ABCA4: variants seen among roughly 807,000 people sequenced by gnomAD.
ABCA4 encodes the protein retinal-specific phospholipid-transporting ATPase ABCA4.
ABCA4 carries 196 observed loss-of-function variants against 263.7 expected under a neutral mutation model. The ratio of observed to expected loss-of-function variants is 0.74; its 90% CI spans 0.66 to 0.84. The LOEUF is 0.84. ABCA4 is among the 40% of genes least tolerant of loss of function. ABCA4 has a pLI of 0.00. For missense variants in ABCA4, 2,792 were observed against 2,855.1 expected, an observed-to-expected ratio of 0.98 and a Z score of 0.50; for synonymous variants, 1,133 against 1,094.2, an observed-to-expected ratio of 1.04 and a Z score of -0.70.
chr1:94,074,449 A>G (rs778155766), intron 11 of ABCA4, among the ~76,000 whole-genome samples: 1 of 152,254 alleles, frequency 6.6e-6, no homozygotes, highest in Non-Finnish European at 1.5e-5. Context: ...GGACATACGC[A>G]TGGGCAAAGA....
At chr1:94,011,843 C>T (rs1372947421) in intron 38 of ABCA4, among the ~76,000 whole-genome samples, 1 of 152,236 alleles carries the variant, frequency 6.6e-6, no homozygotes, top group African/African-American at 2.4e-5. Flanking sequence ...CTCCTGCTGT[C>T]CACTTAGGGA....
At chr1:94,045,723 T>C (rs1189450092) in intron 19 of ABCA4, 1 of 456,066 alleles carries the variant, frequency 2.2e-6, no homozygotes, top group Non-Finnish European at 4.4e-6. Context: ...CAGAACCAAT[T>C]AGAATGGCAC....
chr1:94,028,588 C>T (rs902361178), intron 30 of ABCA4, among the ~76,000 whole-genome samples: 1 of 152,064 alleles, frequency 6.6e-6, no homozygotes, highest in Non-Finnish European at 1.5e-5. Flanking sequence ...ACCTAAGTGG[C>T]GAATAATGGG....
At chr1:94,037,721 T>C (rs1464120630) in intron 24 of ABCA4, among the ~76,000 whole-genome samples, 2 of 152,220 alleles carry the variant, frequency 1.3e-5, no homozygotes, top group Non-Finnish European at 2.9e-5. Context: ...TTTCCTCATC[T>C]GTGAAAAGGG....
At chr1:94,100,188 A>G (rs1452632946) in intron 5 of ABCA4, among the ~76,000 whole-genome samples, 1 of 152,172 alleles carries the variant, frequency 6.6e-6, no homozygotes, top group African/African-American at 2.4e-5. Context: ...ACAGCTGACC[A>G]TGAGTCGGTG....
intron 6 of ABCA4, among the ~76,000 whole-genome samples, chr1:94,098,259 G>GT (rs1348018488): frequency 1.2e-4 from 18 of 152,140 alleles, no homozygotes; most frequent in Non-Finnish European, 2.5e-4. Flanking sequence ...TTTCTCTGTC[G>GT]TTTTTTCTCT....
chr1:94,074,310 A>G (rs1413227415), intron 11 of ABCA4, among the ~76,000 whole-genome samples: 1 of 152,224 alleles, frequency 6.6e-6, no homozygotes, highest in Admixed American at 6.5e-5. Context: ...CTGGCTAGCC[A>G]TATGTAGAAA....
chr1:94,007,592 C>G, intron 43 of ABCA4, 42 bp downstream of exon 43: 1 of 1,530,362 alleles, frequency 6.5e-7, no homozygotes, highest in African/African-American at 1.4e-5. Flanking sequence ...TCTCACAGGA[C>G]CTGTGAGAGA....
Position 94,079,361 on chromosome 1 carries a change from G to A in ABCA4, c.1200C>T (p.Tyr400=). The A allele has an allele frequency of 6.2e-7, 1 of 1,614,180 alleles. No homozygotes were observed. The highest frequency in any genetic ancestry group is 8.5e-7 in the Non-Finnish European group (1 of 1,180,036). ...TTCGTGCTGCAGGTGAATCAGGAGT[G>A]TACAGGATTTTTCCCATCAGCAAAG... is the stretch of plus-strand genomic sequence containing the variant. ...AKPLLMGKIL[Y]TPDSPAARRI... is the part of the protein sequence containing the mutation. The change falls in exon 9 of 50, where the codon TAC becomes TAT. Residue 400 remains tyrosine, a synonymous_variant. Coordinates refer to ENST00000370225, the MANE Select transcript of ABCA4 (RefSeq NM_000350.3).
At position 94,000,946 on chromosome 1, in the gene ABCA4, G is replaced by A. The variant is rs2100993786; in HGVS notation, c.6387-18C>T. The A allele has an allele frequency of 6.2e-7, 1 of 1,614,186 alleles. No homozygotes were observed. Among genetic ancestry groups the A allele is most frequent in the Non-Finnish European group, 8.5e-7 (1 of 1,180,018 alleles). ...CTTCCATGCTGTGGGGCAGGAGAGA[G>A]GAGGTGAGCAGGAGAGGATTCCCAC... On this transcript the variant is annotated intron_variant, in intron 46 of 49. Transcript: ENST00000370225.
chr1:94,018,271 AAAAAGT>A (rs1190304021), intron 36 of ABCA4, among the ~76,000 whole-genome samples: 2 of 152,370 alleles, frequency 1.3e-5, no homozygotes, highest in East Asian at 3.9e-4. Context: ...TATCTTTTAA[AAAAAGT>A]AAAATTAAAA....
At chr1:94,007,557 G>T (rs1211476882) in intron 43 of ABCA4, 77 bp downstream of exon 43, 1 of 1,316,010 alleles carries the variant, frequency 7.6e-7, no homozygotes, top group Non-Finnish European at 1.1e-6. Context: ...CTACTATAGG[G>T]TCTGATGATC....
intron 38 of ABCA4, among the ~76,000 whole-genome samples, chr1:94,011,629 C>T (rs572609485): frequency 5.3e-5 from 8 of 152,340 alleles, no homozygotes; most frequent in Admixed American, 2.6e-4. Flanking sequence ...AATTAAATGA[C>T]CAATCAAGGA....
chr1:94,098,203 G>A (rs1038671610), intron 6 of ABCA4, among the ~76,000 whole-genome samples: 16 of 152,272 alleles, frequency 1.1e-4, no homozygotes, highest in African/African-American at 3.4e-4. Flanking sequence ...CTAGAACAAA[G>A]GGTTGAGCTA....
intron 6 of ABCA4, among the ~76,000 whole-genome samples, chr1:94,093,778 T>G (rs895425378): frequency 2.0e-5 from 3 of 152,250 alleles, no homozygotes; most frequent in Non-Finnish European, 4.4e-5. Flanking sequence ...GCCTCTCTTC[T>G]ATTTCATTTT....
rs749605584 is a variant in ABCA4, at chr1:94,031,876, G to C, written c.4030C>G (p.Leu1344Val). 7.4e-6 allele frequency: 12 copies of C among 1,614,080 alleles called. No individual in the cohort carries two copies. In the East Asian group the frequency reaches 2.7e-4, roughly 36 times the overall value. The change falls in exon 27 of 50, where the codon CTC becomes GTC. Residue 1344 changes from leucine to valine, a missense_variant. Leu to Val is a conservative substitution (Grantham distance 32, BLOSUM62 1). Coordinates refer to ENST00000370225, the MANE Select transcript of ABCA4 (RefSeq NM_000350.3). ...AGGACCAGCTGTGTCCCCGTGTTGA[G>C]CTGCGGGCCTGGGCACTCTGGCTCT... is the stretch of plus-strand genomic sequence containing the variant. ...PPEPECPGPQ[L>V]NTGTQLVLQH...
intron 11 of ABCA4, among the ~76,000 whole-genome samples, chr1:94,076,696 A>G (rs529948510): frequency 6.6e-6 from 1 of 152,268 alleles, no homozygotes; most frequent in South Asian, 2.1e-4. Flanking sequence ...GTGAGAGAGC[A>G]ACGTAAGCAG....
rs1297857869 is a variant in ABCA4, at chr1:94,011,330, A to G, written c.5516T>C (p.Phe1839Ser). Reference protein sequence around the residue: ...LRKLLIVFPHFCLGRGLIDLA... With the variant: ...LRKLLIVFPHSCLGRGLIDLA... ...GTCAATGAGGCCCCGGCCCAGGCAGAAGTGGGGGAAGACAATGAGCAGCTT... is the reference window on the plus strand; with the variant it reads ...GTCAATGAGGCCCCGGCCCAGGCAGGAGTGGGGGAAGACAATGAGCAGCTT... The change falls in exon 39 of 50, where the codon TTC becomes TCC. Residue 1839 changes from phenylalanine to serine, a missense_variant. Coordinates refer to ENST00000370225, the MANE Select transcript of ABCA4 (RefSeq NM_000350.3). 1.2e-6 allele frequency: 2 copies of G among 1,614,096 alleles called. No individual in the cohort carries two copies. The highest frequency in any genetic ancestry group is 1.7e-6 in the Non-Finnish European group (2 of 1,180,022).
intron 11 of ABCA4, among the ~76,000 whole-genome samples, chr1:94,066,556 G>C (rs996920040): frequency 3.9e-5 from 6 of 152,242 alleles, no homozygotes; most frequent in Non-Finnish European, 8.8e-5. Flanking sequence ...GGGGCATTTG[G>C]ACAGAGCCCT....
Sources: gnomAD v4.1 joint callset for allele counts (sites outside exome capture counted in the v4.1 genomes callset) on GRCh38, gnomAD v4.1.1 for gene constraint, MANE v1.5 for transcripts, NCBI Gene and HGNC (gene_info 2026-07-23, HGNC 2026-07-21) for gene names.